DSC1: variants seen among roughly 807,000 people sequenced by gnomAD.
The protein encoded by DSC1 is desmocollin-1.
In DSC1, 79 loss-of-function variants were observed where a neutral mutation model predicts 98.8. That is an observed-to-expected ratio of 0.80 (90% CI 0.67 to 0.96). DSC1 has a LOEUF of 0.96. DSC1 is among the 50% of genes least tolerant of loss of function. The probability of loss-of-function intolerance (pLI) is 0.00; values close to 1 mark genes in which losing one functional copy is unlikely to be tolerated. For synonymous variants in DSC1, 405 were observed against 372.1 expected (o/e 1.09, Z -1.02); for missense variants, 1,115 against 1,075.9 (o/e 1.04, Z -0.51).
At chr18:31,133,781 A>G in intron 13 of DSC1, 110 bp downstream of exon 13, 1 of 1,110,386 alleles carries the variant, frequency 9.0e-7, no homozygotes, top group East Asian at 2.6e-5. Flanking sequence ...CAATATTTTT[A>G]AAAGAACACA....
At chr18:31,139,135 T>A (rs1988675445) in intron 11 of DSC1, among the ~76,000 whole-genome samples, 1 of 152,044 alleles carries the variant, frequency 6.6e-6, no homozygotes, top group African/African-American at 2.4e-5. Flanking sequence ...CTGATAGAAA[T>A]TTGTATGTTC....
intron 8 of DSC1, 26 bp downstream of exon 8, chr18:31,143,631 A>T: frequency 2.7e-6 from 4 of 1,479,158 alleles, no homozygotes; most frequent in Non-Finnish European, 3.6e-6. Context: ...ATAAATCTAG[A>T]TGAATGAATA....
At chr18:31,135,273 C>T (rs1217852727) in intron 11 of DSC1, among the ~76,000 whole-genome samples, 1 of 152,124 alleles carries the variant, frequency 6.6e-6, no homozygotes, top group Non-Finnish European at 1.5e-5. Flanking sequence ...ATACTTTTCT[C>T]CTCTTCTTTG....
intron 5 of DSC1, among the ~76,000 whole-genome samples, chr18:31,149,951 T>C (rs1221595935): frequency 6.6e-6 from 1 of 151,912 alleles, no homozygotes; most frequent in Non-Finnish European, 1.5e-5. Context: ...TATTTATCAA[T>C]AAATTCTAAA....
Position 31,134,601 on chromosome 18 carries a change from C to G in DSC1, c.1847G>C (p.Ser616Thr). The change falls in exon 12 of 16, where the codon AGT becomes ACT. Residue 616 changes from serine (S) to threonine (T), a missense_variant. Transcript: ENST00000257198. ...PFQFFLDNSA[S>T]KNWNIEEKDG... Reference sequence around the variant, plus strand: ...CTTTTCTTCTATGTTCCAGTTTTTACTGGCAGAATTATCCAGAAAGAATTG... The same window carrying G: ...CTTTTCTTCTATGTTCCAGTTTTTAGTGGCAGAATTATCCAGAAAGAATTG... 1 of 1,611,436 alleles carries G rather than the reference C, an allele frequency of 6.2e-7. No individual in the cohort carries two copies. The highest frequency in any genetic ancestry group is 8.5e-7 in the Non-Finnish European group (1 of 1,178,566).
intron 11 of DSC1, among the ~76,000 whole-genome samples, chr18:31,139,407 G>GA (rs912230926): frequency 7.3e-5 from 11 of 151,486 alleles, no homozygotes; most frequent in African/African-American, 2.4e-4. Flanking sequence ...CTGTACTTCT[G>GA]AAAAAAAACG....
intron 8 of DSC1, among the ~76,000 whole-genome samples, chr18:31,142,481 T>C (rs1261242197): frequency 6.6e-6 from 1 of 152,118 alleles, no homozygotes; most frequent in East Asian, 1.9e-4. Context: ...CTCTACAATA[T>C]TTACAGTCTA....
chr18:31,144,725 G>A (rs1222884721), intron 7 of DSC1, among the ~76,000 whole-genome samples: 1 of 152,064 alleles, frequency 6.6e-6, no homozygotes, highest in African/African-American at 2.4e-5. Flanking sequence ...TTACACATTC[G>A]TTCAAACTCA....
chr18:31,159,214 C>T (rs974950911), intron 2 of DSC1, among the ~76,000 whole-genome samples: 1 of 128,410 alleles, frequency 7.8e-6, no homozygotes, highest in African/African-American at 2.9e-5. Context: ...CCACCGCGCC[C>T]GGCTAATTTT....
chr18:31,145,496 C>A (rs1988827524), intron 7 of DSC1, 115 bp downstream of exon 7: 2 of 1,195,086 alleles, frequency 1.7e-6, no homozygotes, highest in South Asian at 2.9e-5. Context: ...TAACCGCAGC[C>A]TACAGAAGCA....
In DSC1 at chr18:31,134,662, C is replaced by T. The variant is rs1425579307; in HGVS notation, c.1786G>A (p.Val596Ile). The T allele has an allele frequency of 6.2e-7, 1 of 1,613,054 alleles. No individual in the cohort carries two copies. The highest frequency in any genetic ancestry group is 2.2e-5 in the East Asian group (1 of 44,836). The change falls in exon 12 of 16, where the codon GTA becomes ATA. Residue 596 changes from valine (V) to isoleucine (I), a missense_variant. Physicochemically the swap from Val to Ile is conservative, Grantham distance 29. Transcript: ENST00000257198. Reference protein sequence around the residue: ...NNEDFAVLKPVDPDGPENGPP... With the variant: ...NNEDFAVLKPIDPDGPENGPP... Reference sequence around the variant, plus strand: ...CCATTTTCAGGTCCATCTGGATCTACAGGTTTCAGAACAGCAAAATCCTCA... The same window carrying T: ...CCATTTTCAGGTCCATCTGGATCTATAGGTTTCAGAACAGCAAAATCCTCA...
At chr18:31,140,544 G>A (rs1036592169) in intron 9 of DSC1, among the ~76,000 whole-genome samples, 11 of 151,796 alleles carry the variant, frequency 7.2e-5, no homozygotes, top group Non-Finnish European at 1.3e-4. Context: ...TCTTGCCTTC[G>A]GCCTTTTTCA....
chr18:31,146,710 T>A (rs1204884864), intron 6 of DSC1, among the ~76,000 whole-genome samples: 1 of 152,224 alleles, frequency 6.6e-6, no homozygotes, highest in Non-Finnish European at 1.5e-5. Context: ...ACCAATGGCA[T>A]ATAAGTGTTC....
At chr18:31,136,057 AACT>A (rs1461454771) in intron 11 of DSC1, among the ~76,000 whole-genome samples, 1 of 152,182 alleles carries the variant, frequency 6.6e-6, no homozygotes, top group South Asian at 2.1e-4. Context: ...TGTATAAAGT[AACT>A]ACTATTTATG....
intron 9 of DSC1, among the ~76,000 whole-genome samples, chr18:31,141,280 T>C (rs1347859801): frequency 6.6e-6 from 1 of 152,110 alleles, no homozygotes; most frequent in Admixed American, 6.6e-5. Context: ...AAAGAAAAAG[T>C]AGACAGTACA....
intron 1 of DSC1, among the ~76,000 whole-genome samples, chr18:31,160,905 G>A (rs1292445575): frequency 3.9e-5 from 6 of 152,020 alleles, no homozygotes; most frequent in Admixed American, 1.3e-4. Flanking sequence ...TATACACACA[G>A]TCATATATTG....
intron 13 of DSC1, 42 bp downstream of exon 13, chr18:31,133,849 T>C: frequency 2.0e-6 from 3 of 1,536,718 alleles, no homozygotes; most frequent in Non-Finnish European, 2.6e-6. Context: ...TAGATAAAAT[T>C]TTAGCTAACA....
At chr18:31,151,587 T>C (rs548435986) in intron 5 of DSC1, among the ~76,000 whole-genome samples, 1 of 152,336 alleles carries the variant, frequency 6.6e-6, no homozygotes, top group South Asian at 2.1e-4. Context: ...TGCGTGTTAT[T>C]GTGATATAGT....
chr18:31,133,940 A>G lies in DSC1; in HGVS notation c.2067T>C (p.Leu689=), dbSNP rs748879869. The change falls in exon 13 of 16, where the codon CTT becomes CTC. Residue 689 remains leucine (L), a synonymous_variant. Coordinates refer to ENST00000257198, the MANE Select transcript of DSC1 (RefSeq NM_024421.2). ...STRDVRPNVI[L]GRWAILAMVL... is the part of the protein sequence containing the mutation. ...CCATAGCAAGAATAGCCCATCTTCC[A>G]AGTATTACATTTGGTCTAACGTCTC... 3 of 1,613,400 alleles carry G rather than the reference A, an allele frequency of 1.9e-6. No individual in the cohort carries two copies. The highest frequency in any genetic ancestry group is 2.5e-6 in the Non-Finnish European group (3 of 1,179,616).
Sources: gnomAD v4.1 joint callset for allele counts (sites outside exome capture counted in the v4.1 genomes callset) on GRCh38, gnomAD v4.1.1 for gene constraint, MANE v1.5 for transcripts, NCBI Gene and HGNC (gene_info 2026-07-23, HGNC 2026-07-21) for gene names.